Variants in HDAC3 observed in about 807,000 individuals in gnomAD.
HDAC3 encodes SMAP45.
A neutral mutation model predicts 62.3 loss-of-function variants in HDAC3; 21 were observed. That is an observed-to-expected ratio of 0.34 (90% CI 0.24 to 0.49). The LOEUF (loss-of-function observed/expected upper bound fraction) is 0.49, where lower values mean the gene tolerates loss of function less well. Ranked by LOEUF, HDAC3 falls within the 20% of genes least tolerant of loss-of-function variation. HDAC3 has a pLI of 0.99. For synonymous variants in HDAC3, 198 were observed against 206.5 expected, an observed-to-expected ratio of 0.96 and a Z score of 0.35; for missense variants, 270 against 556.9, an observed-to-expected ratio of 0.48 and a Z score of 5.19.
In HDAC3 at chr5:141,636,821, G is replaced by T; in HGVS notation, c.-31C>A. The stretch of plus-strand genomic sequence containing the variant: ...CGGCGGGAGCAGGCCCCGCACCTCC[G>T]CCGCCCGCCGCCCGCGGCCGCCGCC... On this transcript the variant is annotated 5_prime_UTR_variant, in exon 1 of 15. Coordinates refer to ENST00000305264, the MANE Select transcript of HDAC3 (RefSeq NM_003883.4). 1 of 1,479,680 alleles carries T rather than the reference G, an allele frequency of 6.8e-7. No individual in the cohort carries two copies. Among genetic ancestry groups the T allele is most frequent in the Middle Eastern group, 1.8e-4 (1 of 5,436 alleles). 91.7% of individuals were successfully genotyped at this position (1,479,680 alleles called of 1,614,324 possible).
In HDAC3 at chr5:141,621,357, T is replaced by C. The variant is rs1393271080; in HGVS notation, c.*111A>G. On this transcript the variant is annotated 3_prime_UTR_variant, in exon 15 of 15. Coordinates refer to ENST00000305264, the MANE Select transcript of HDAC3 (RefSeq NM_003883.4). ...GTGGTCTCCAGACTCTTTCCCAGAG[T>C]CAGCAAAAGCCCTGGGGTGACCCCC... is the stretch of plus-strand genomic sequence containing the variant. The C allele has an allele frequency of 1.1e-6, 1 of 926,280 alleles. No homozygotes were observed. Among genetic ancestry groups the C allele is most frequent in the African/African-American group, 1.7e-5 (1 of 60,262 alleles). 57.4% of individuals were successfully genotyped at this position (926,280 alleles called of 1,614,324 possible). A position where few individuals can be genotyped will look rare whatever the true frequency, so the allele number is the denominator to read the frequency against.
chr5:141,622,842 G>A (rs367685477), intron 14 of HDAC3, among the ~76,000 whole-genome samples: 4 of 152,024 alleles, frequency 2.6e-5, no homozygotes, highest in African/African-American at 4.8e-5. Context: ...CGCCGGGGGC[G>A]GTGGCTCACA....
chr5:141,634,725 T>G, intron 3 of HDAC3, 86 bp downstream of exon 3: 430 of 1,306,984 alleles, frequency 3.3e-4, no homozygotes, highest in Non-Finnish European at 4.2e-4. Flanking sequence ...AGGCCCCCCT[T>G]GAGATCTTCC....
Position 141,629,953 on chromosome 5 carries a change from C to G in HDAC3, c.364-37G>C. 1 of 1,613,616 alleles carries G rather than the reference C, an allele frequency of 6.2e-7. No homozygotes were observed. Among genetic ancestry groups the G allele is most frequent in the African/African-American group, 1.3e-5 (1 of 75,028 alleles). On this transcript the variant is annotated intron_variant, in intron 4 of 14. Transcript: ENST00000305264. The surrounding 1 kb of genome is among the most constrained non-coding windows in gnomAD (Gnocchi z 5.3). The stretch of plus-strand genomic sequence containing the variant: ...ACACCTAAGTCACAGTCCTTCCTGC[C>G]CACCCCTCAAGCTGGGAGCCCAGGA...
intron 14 of HDAC3, among the ~76,000 whole-genome samples, chr5:141,622,598 T>C (rs1421596860): frequency 1.4e-5 from 2 of 144,094 alleles, no homozygotes; most frequent in Non-Finnish European, 3.0e-5. Flanking sequence ...TGAGACTCCA[T>C]CTCAAAAAAA....
chr5:141,622,324 A>G (rs72792333), intron 14 of HDAC3, among the ~76,000 whole-genome samples: 6,597 of 152,308 alleles, frequency 0.043, 182 homozygotes, highest in African/African-American at 0.069. Context: ...TATTCTCAAA[A>G]GCCGGGCGTG....
At chr5:141,634,095 T>C (rs1213499526) in intron 3 of HDAC3, among the ~76,000 whole-genome samples, 1 of 152,222 alleles carries the variant, frequency 6.6e-6, no homozygotes, top group Non-Finnish European at 1.5e-5. Flanking sequence ...CTATGGATGA[T>C]ACAAGCTCAA....
In HDAC3 at chr5:141,626,181, GGA is replaced by G; in HGVS notation, c.920+11_920+12del. On this transcript the variant is annotated intron_variant, in intron 11 of 14. Coordinates refer to ENST00000305264, the MANE Select transcript of HDAC3 (RefSeq NM_003883.4). The surrounding 1 kb of genome is among the most constrained non-coding windows in gnomAD (Gnocchi z 4.6). ...CACTGGACAACAGGGGAGGAAATCA[GGA>G]GAGTGCTCACCAGCAGCGGGCAACA... is the stretch of plus-strand genomic sequence containing the variant. 1.9e-6 allele frequency: 3 copies of G among 1,613,010 alleles called. No individual in the cohort carries two copies. Among genetic ancestry groups the G allele is most frequent in the Non-Finnish European group, 2.5e-6 (3 of 1,178,980 alleles).
Position 141,625,991 on chromosome 5 carries a change from G to A in HDAC3, c.979+22C>T. The A allele has an allele frequency of 1.3e-6, 2 of 1,596,332 alleles. No individual in the cohort carries two copies. Among genetic ancestry groups the A allele is most frequent in the African/African-American group, 2.7e-5 (2 of 74,646 alleles). The stretch of plus-strand genomic sequence containing the variant: ...GTGAGAATGGCCTTCCTGTTATGGG[G>A]GTGTTGTGGGGTGGTCCTTACCACT... On this transcript the variant is annotated intron_variant, in intron 12 of 14. Transcript: ENST00000305264. This position sits in a 1 kb window ranked among gnomAD's most constrained non-coding sequence, Gnocchi z 4.0.
intron 3 of HDAC3, 91 bp downstream of exon 3, chr5:141,634,720 C>A (rs2099905726): frequency 1.6e-5 from 20 of 1,213,268 alleles, no homozygotes; most frequent in Non-Finnish European, 2.3e-5. Flanking sequence ...CAAGTAGGCC[C>A]CCCTTGAGAT....
chr5:141,634,860 T>A lies in HDAC3; in HGVS notation c.232A>T (p.Met78Leu). The A allele has an allele frequency of 6.2e-7, 1 of 1,614,064 alleles. No homozygotes were observed. The highest frequency in any genetic ancestry group is 8.5e-7 in the Non-Finnish European group (1 of 1,179,976). The change falls in exon 3 of 15, where the codon ATG (methionine) becomes TTG (leucine). Residue 78 changes from methionine to leucine, a missense_variant. Coordinates refer to ENST00000305264, the MANE Select transcript of HDAC3 (RefSeq NM_003883.4). ...TTAAGACTCTTGGTGAAGCCTTGCA[T>A]ATTGGTGGGGCTGACTCTCTGCAGG... ...DFLQRVSPTN[M>L]QGFTKSLNAF... is the part of the protein sequence containing the mutation.
At position 141,636,772 on chromosome 5, in the gene HDAC3, A is replaced by G. The variant is rs2099906080; in HGVS notation, c.19T>C (p.Tyr7His). The change falls in exon 1 of 15, where the codon TAT becomes CAT. Residue 7 changes from tyrosine to histidine, a missense_variant. Transcript: ENST00000305264. Reference sequence around the variant, plus strand: ...TTGCCCACGTCGGGGTCGTAGAAATAGGCCACGGTCTTGGCCATGGTGCCG... The same window carrying G: ...TTGCCCACGTCGGGGTCGTAGAAATGGGCCACGGTCTTGGCCATGGTGCCG... MAKTVA[Y>H]FYDPDVGNFH... 1 of 1,613,900 alleles carries G rather than the reference A, an allele frequency of 6.2e-7. No homozygotes were observed. The highest frequency in any genetic ancestry group is 8.5e-7 in the Non-Finnish European group (1 of 1,179,836).
chr5:141,624,046 TAA>T (rs61366287), intron 14 of HDAC3, among the ~76,000 whole-genome samples: 2 of 135,842 alleles, frequency 1.5e-5, no homozygotes, highest in Non-Finnish European at 1.6e-5. Flanking sequence ...TAAAGACTTT[TAA>T]AAAAAAAAAA....
At chr5:141,632,574 C>T (rs781598313) in intron 3 of HDAC3, among the ~76,000 whole-genome samples, 37 of 152,238 alleles carry the variant, frequency 2.4e-4, no homozygotes, top group East Asian at 3.9e-4. Context: ...CCCAGTGTGG[C>T]GTAAGGGCTG....
chr5:141,623,155 T>C (rs1469861165), intron 14 of HDAC3, among the ~76,000 whole-genome samples: 1 of 151,990 alleles, frequency 6.6e-6, no homozygotes, highest in African/African-American at 2.4e-5. Flanking sequence ...TTACTTAGAC[T>C]CTCTGAGCCT....
chr5:141,628,034 A>G lies in HDAC3; in HGVS notation c.766-77T>C, dbSNP rs902048024. The G allele has an allele frequency of 6.3e-7, 1 of 1,595,724 alleles. No individual in the cohort carries two copies. The highest frequency in any genetic ancestry group is 1.7e-4 in the Middle Eastern group (1 of 6,018). The stretch of plus-strand genomic sequence containing the variant: ...ATCACAGATACCCCTTCCACCACCA[A>G]CCTAAAGAACCTCCTCTTCCCTTGC... On this transcript the variant is annotated intron_variant, in intron 9 of 14. Coordinates refer to ENST00000305264, the MANE Select transcript of HDAC3 (RefSeq NM_003883.4). The surrounding 1 kb of genome is among the most constrained non-coding windows in gnomAD (Gnocchi z 4.7).
In HDAC3 at chr5:141,625,258, C is replaced by G. The variant is rs149668238; in HGVS notation, c.1167G>C (p.Arg389Ser). The change falls in exon 14 of 15, where the codon AGG becomes AGC. Residue 389 changes from arginine to serine, a missense_variant. Physicochemically the swap from Arg to Ser is moderately radical, Grantham distance 110. Around this residue, in one of 5 missense-constraint regions of HDAC3, gnomAD observed 44 missense variants for 64.3 expected, o/e 0.68. Coordinates refer to ENST00000305264, the MANE Select transcript of HDAC3 (RefSeq NM_003883.4). The surrounding 1 kb of genome is among the most constrained non-coding windows in gnomAD (Gnocchi z 4.0). Reference protein sequence around the residue: ...DVPADLLTYDRTDEADAEERG... With the variant: ...DVPADLLTYDSTDEADAEERG... ...TCTCCTCTGCATCAGCCTCATCAGT[C>G]CTGTCATAGGTCAGGAGGTCTGCAG... 6.2e-7 allele frequency: 1 copy of G among 1,614,160 alleles called. No individual in the cohort carries two copies. The highest frequency in any genetic ancestry group is 1.1e-5 in the South Asian group (1 of 91,082).
In HDAC3 at chr5:141,626,485, C is replaced by T; in HGVS notation, c.831-202G>A. 1.7e-6 allele frequency: 1 copy of T among 578,524 alleles called. No individual in the cohort carries two copies. Among genetic ancestry groups the T allele is most frequent in the Non-Finnish European group, 3.1e-6 (1 of 323,718 alleles). 35.8% of individuals were successfully genotyped at this position (578,524 alleles called of 1,614,324 possible). A position where few individuals can be genotyped will look rare whatever the true frequency, so the allele number is the denominator to read the frequency against. ...TCAATAAAAATTTTAAAATAAAGCA[C>T]AGTCCCCCCTCTGTTCTGCTCAACA... On this transcript the variant is annotated intron_variant, in intron 10 of 14. Coordinates refer to ENST00000305264, the MANE Select transcript of HDAC3 (RefSeq NM_003883.4). The surrounding 1 kb of genome is among the most constrained non-coding windows in gnomAD (Gnocchi z 4.6).
intron 10 of HDAC3, among the ~76,000 whole-genome samples, 193 bp downstream of exon 10, chr5:141,627,699 TA>T (rs2099904642): frequency 6.6e-6 from 1 of 152,214 alleles, no homozygotes. Context: ...AACAGGTGCT[TA>T]ATAAAAATAT....
Sources: gnomAD v4.1 joint callset for allele counts (sites outside exome capture counted in the v4.1 genomes callset) on GRCh38, gnomAD v4.1.1 for gene constraint, gnomAD v4.1.1 regional missense constraint, Gnocchi (gnomAD v3.1) non-coding constraint, MANE v1.5 for transcripts, NCBI Gene and HGNC (gene_info 2026-07-23, HGNC 2026-07-21) for gene names.